Variants in CRTC3 observed in about 807,000 individuals in gnomAD.
CRTC3 encodes CREB-regulated transcription coactivator 3.
Under a neutral mutation model 74.5 loss-of-function variants are expected in CRTC3, and 26 were observed. The observed-to-expected ratio is 0.35, with a 90% CI of 0.26 to 0.48. The LOEUF is 0.48. Among genes scored for constraint, CRTC3 ranks in the 20% least tolerant of loss-of-function variants. The pLI, the probability that CRTC3 is intolerant of heterozygous loss-of-function variation, is 0.99. For synonymous variants in CRTC3, 377 were observed against 325.8 expected (o/e 1.16, Z -1.69); for missense variants, 760 against 787.3 (o/e 0.97, Z 0.41).
At chr15:90,635,198 C>A (rs1005473114) in intron 11 of CRTC3, among the ~76,000 whole-genome samples, 19 of 151,870 alleles carry the variant, frequency 1.3e-4, no homozygotes, top group African/African-American at 4.6e-4. Flanking sequence ...ATAAACATTT[C>A]CAAATAAAAA....
At chr15:90,574,544 T>C (rs1245931848) in intron 2 of CRTC3, among the ~76,000 whole-genome samples, 2 of 152,180 alleles carry the variant, frequency 1.3e-5, no homozygotes, top group African/African-American at 2.4e-5. Flanking sequence ...TTCATACATA[T>C]ACAGGTATAG....
intron 2 of CRTC3, among the ~76,000 whole-genome samples, chr15:90,572,454 A>G (rs1967293559): frequency 6.6e-6 from 1 of 152,240 alleles, no homozygotes; most frequent in African/African-American, 2.4e-5. Context: ...GAAGGGTTGT[A>G]CATTTAAAAT....
intron 6 of CRTC3, among the ~76,000 whole-genome samples, chr15:90,611,261 A>G (rs1968349792): frequency 1.3e-5 from 2 of 152,070 alleles, no homozygotes. Context: ...AAGGCTGTGT[A>G]GGGAGTTATT....
intron 5 of CRTC3, among the ~76,000 whole-genome samples, chr15:90,605,779 T>C (rs1222622875): frequency 6.6e-6 from 1 of 152,244 alleles, no homozygotes; most frequent in Non-Finnish European, 1.5e-5. Flanking sequence ...CACTGTAGGC[T>C]AATGAAGTTG....
chr15:90,546,520 G>A (rs2080079328), intron 2 of CRTC3, among the ~76,000 whole-genome samples: 2 of 152,108 alleles, frequency 1.3e-5, no homozygotes, highest in South Asian at 2.1e-4. Flanking sequence ...AATGAGAGTC[G>A]TCTTTGTTCT....
chr15:90,564,904 A>T (rs1284806839), intron 2 of CRTC3, among the ~76,000 whole-genome samples: 1 of 146,364 alleles, frequency 6.8e-6, no homozygotes, highest in Non-Finnish European at 1.5e-5. Flanking sequence ...AATTTAACCA[A>T]CCTTCCTTCC....
chr15:90,626,514 T>C (rs1968839085), intron 10 of CRTC3, among the ~76,000 whole-genome samples: 1 of 152,206 alleles, frequency 6.6e-6, no homozygotes, highest in Non-Finnish European at 1.5e-5. Context: ...ATAAAGATGC[T>C]ACCCATAATG....
chr15:90,610,686 C>T (rs1968335240), intron 6 of CRTC3, among the ~76,000 whole-genome samples: 2 of 152,188 alleles, frequency 1.3e-5, no homozygotes, highest in South Asian at 4.1e-4. Context: ...GCAGCATGTG[C>T]ACCTTAATGA....
At chr15:90,543,592 A>G (rs1450880843) in intron 2 of CRTC3, among the ~76,000 whole-genome samples, 1 of 152,174 alleles carries the variant, frequency 6.6e-6, no homozygotes, top group Non-Finnish European at 1.5e-5. Context: ...TTGAAGCGCA[A>G]GCTAATCTAT....
At chr15:90,617,637 C>G (rs1212562437) in intron 7 of CRTC3, among the ~76,000 whole-genome samples, 1 of 152,058 alleles carries the variant, frequency 6.6e-6, no homozygotes, top group Non-Finnish European at 1.5e-5. Context: ...TCAAGGAGAC[C>G]TCCCACCTCA....
intron 2 of CRTC3, among the ~76,000 whole-genome samples, chr15:90,585,068 T>C (rs1221269287): frequency 6.6e-6 from 1 of 152,248 alleles, no homozygotes; most frequent in East Asian, 1.9e-4. Context: ...TTAGCAAGAC[T>C]GTTAACCTGT....
chr15:90,609,527 C>T (rs921660065), intron 6 of CRTC3, among the ~76,000 whole-genome samples: 1 of 152,220 alleles, frequency 6.6e-6, no homozygotes, highest in African/African-American at 2.4e-5. Context: ...TCTGCCGATC[C>T]TTCATTTACA....
rs1159567744 is a variant in CRTC3 at position 90,642,943 on chromosome 15, C to T, written c.*803C>T. 6 of 232,920 alleles carry T rather than the reference C, an allele frequency of 2.6e-5. No individual in the cohort carries two copies. The highest frequency in any genetic ancestry group is 5.1e-5 in the Non-Finnish European group (6 of 117,970). The allele number at this position is 232,920 out of a possible 1,614,324, so 14.4% of individuals were successfully genotyped here. ...CAGGTGTCTCATACTCAGTGGCCTC[C>T]AGACAAACTCCAGACAAGCACAGAC... On this transcript the variant is annotated 3_prime_UTR_variant, in exon 15 of 15. Coordinates refer to ENST00000268184, the MANE Select transcript of CRTC3 (RefSeq NM_022769.5).
At chr15:90,620,689 C>T (rs1490083830) in intron 9 of CRTC3, among the ~76,000 whole-genome samples, 5 of 152,054 alleles carry the variant, frequency 3.3e-5, no homozygotes, top group Admixed American at 6.5e-5. Flanking sequence ...TCATAGTGTC[C>T]GTGAGAGCAG....
chr15:90,533,142 G>A (rs1181206738), intron 1 of CRTC3, among the ~76,000 whole-genome samples: 3 of 124,936 alleles, frequency 2.4e-5, no homozygotes, highest in Non-Finnish European at 3.2e-5. Context: ...GGTGGGTCAC[G>A]CCTGTAATCC....
At chr15:90,640,615 G>A (rs1969402828) in intron 13 of CRTC3, among the ~76,000 whole-genome samples, 2 of 152,200 alleles carry the variant, frequency 1.3e-5, no homozygotes, top group Middle Eastern at 6.8e-3. Flanking sequence ...CTGGGAGCTG[G>A]AGGTTTCAGT....
intron 2 of CRTC3, among the ~76,000 whole-genome samples, chr15:90,590,455 C>G (rs187697388): frequency 3.3e-5 from 5 of 152,134 alleles, no homozygotes; most frequent in Non-Finnish European, 1.5e-5. Context: ...GGCTGGAGTG[C>G]AGTGGCATGA....
chr15:90,535,617 G>C (rs1966706859), intron 1 of CRTC3, among the ~76,000 whole-genome samples: 1 of 152,006 alleles, frequency 6.6e-6, no homozygotes, highest in African/African-American at 2.4e-5. Flanking sequence ...GTGTTGATTG[G>C]ACTTGAATAT....
chr15:90,589,226 T>C (rs1292180220), intron 2 of CRTC3, among the ~76,000 whole-genome samples: 1 of 151,944 alleles, frequency 6.6e-6, no homozygotes, highest in East Asian at 1.9e-4. Flanking sequence ...CCAGCTAATT[T>C]TTCTATTTTT....
Sources: allele counts gnomAD v4.1 joint callset (sites outside exome capture counted in the v4.1 genomes callset), GRCh38; gene constraint gnomAD v4.1.1; transcripts MANE v1.5; gene names NCBI Gene and HGNC (gene_info 2026-07-23, HGNC 2026-07-21).